ROBO2: variants seen among roughly 807,000 people sequenced by gnomAD.
The protein encoded by ROBO2 is roundabout guidance receptor 2.
A neutral mutation model predicts 160.8 loss-of-function variants in ROBO2; 53 were observed. That is an observed-to-expected ratio of 0.33 (90% CI 0.26 to 0.41). The LOEUF is 0.41. ROBO2 is among the 10% of genes least tolerant of loss of function. ROBO2 has a pLI of 1.00. For missense variants in ROBO2, 1,577 were observed against 1,722.4 expected, an observed-to-expected ratio of 0.92 and a Z score of 1.49; for synonymous variants, 664 against 611.7, an observed-to-expected ratio of 1.09 and a Z score of -1.26.
chr3:76,442,997 TCA>T (rs1350825036), intron 2 of ROBO2, among the ~76,000 whole-genome samples: 1 of 152,076 alleles, frequency 6.6e-6, no homozygotes, highest in African/African-American at 2.4e-5. Context: ...TTTATTTGGT[TCA>T]CAGTTTTGCA....
chr3:76,011,088 C>A (rs1291621475), intron 2 of ROBO2, among the ~76,000 whole-genome samples: 1 of 152,156 alleles, frequency 6.6e-6, no homozygotes, highest in Non-Finnish European at 1.5e-5. Flanking sequence ...GAAGCCTTTT[C>A]TGTTAGCTAT....
At chr3:75,998,754 G>A (rs1042144876) in intron 2 of ROBO2, among the ~76,000 whole-genome samples, 1 of 152,184 alleles carries the variant, frequency 6.6e-6, no homozygotes, top group Admixed American at 6.5e-5. Context: ...GATGATGCAA[G>A]TTTCAAGATG....
chr3:76,548,732 A>G (rs1447557476), intron 2 of ROBO2, among the ~76,000 whole-genome samples: 4 of 151,982 alleles, frequency 2.6e-5, no homozygotes, highest in African/African-American at 9.7e-5. Flanking sequence ...CACCATAGCC[A>G]AAATTTTTGT....
chr3:77,316,813 T>C (rs1229246850), intron 2 of ROBO2: 2 of 1,308,682 alleles, frequency 1.5e-6, no homozygotes, highest in Non-Finnish European at 2.2e-6. Context: ...GTTCTTGCCA[T>C]CCAGGAGAGC....
rs148911655 is a variant in ROBO2 at position 77,460,397 on chromosome 3, G to A, written c.389-17017G>A. Among the ~76,000 whole-genome samples, 579 of 152,190 alleles carry A rather than the reference G, an allele frequency of 3.8e-3. 4 individuals are homozygous for A. Among genetic ancestry groups the A allele is most frequent in the African/African-American group, 0.013 (553 of 41,504 alleles). On this transcript the variant is annotated intron_variant, in intron 2 of 25. Coordinates refer to ENST00000461745, the Ensembl canonical transcript of ROBO2. ...TCAAGACACTGTCAAGCAGGCAGGT[G>A]GACACAAGACTGAAGTTCCAGAGTA...
intron 6 of ROBO2, among the ~76,000 whole-genome samples, chr3:77,539,165 C>T (rs1303394133): frequency 6.6e-6 from 1 of 152,182 alleles, no homozygotes; most frequent in Non-Finnish European, 1.5e-5. Flanking sequence ...GACAATCCAC[C>T]CGCCTCGGCC....
At chr3:76,176,623 A>G (rs552362111) in intron 2 of ROBO2, among the ~76,000 whole-genome samples, 1 of 152,288 alleles carries the variant, frequency 6.6e-6, no homozygotes, top group South Asian at 2.1e-4. Context: ...GGAGGAAGAT[A>G]TTAGGTTCCT....
At chr3:76,821,706 T>G (rs191433143) in intron 2 of ROBO2, among the ~76,000 whole-genome samples, 75 of 152,158 alleles carry the variant, frequency 4.9e-4, no homozygotes, top group African/African-American at 1.6e-3. Context: ...CTCAGTAGTA[T>G]TGCTTGCATG....
chr3:75,948,781 T>C (rs1319192362), intron 2 of ROBO2, among the ~76,000 whole-genome samples: 1 of 152,178 alleles, frequency 6.6e-6, no homozygotes, highest in African/African-American at 2.4e-5. Context: ...ATTTTATATC[T>C]TATAATTTGA....
chr3:76,435,368 GT>G, intron 2 of ROBO2: 2 of 787,092 alleles, frequency 2.5e-6, no homozygotes, highest in South Asian at 2.7e-5. Context: ...TTCTTGAACA[GT>G]TCAAGACCCT....
At chr3:76,118,661 T>A (rs2070582506) in intron 2 of ROBO2, among the ~76,000 whole-genome samples, 1 of 152,166 alleles carries the variant, frequency 6.6e-6, no homozygotes, top group Non-Finnish European at 1.5e-5. Context: ...GAATATTCCA[T>A]TTATTCATTT....
At chr3:77,132,953 G>A (rs186335867) in intron 2 of ROBO2, among the ~76,000 whole-genome samples, 79 of 152,106 alleles carry the variant, frequency 5.2e-4, no homozygotes, top group Non-Finnish European at 1.0e-3. Context: ...GAGAGGAGAT[G>A]TTTATGGTTG....
rs78780496 is a variant in ROBO2 at position 77,276,221 on chromosome 3, A to C, written c.388+177881A>C. Among the ~76,000 whole-genome samples the C allele has an allele frequency of 5.9e-3, 786 of 132,950 alleles. 5 individuals carry two copies. Among genetic ancestry groups the C allele is most frequent in the African/African-American group, 0.019 (619 of 32,544 alleles). The allele number at this position is 132,950 out of a possible 152,430, so 87.2% of individuals were successfully genotyped here. Reference sequence around the variant, plus strand: ...TAAGTTGTAAAAACAAACAAACAAAAAAAAAAAACAAAAGAAAAAATGTCT... The same window carrying C: ...TAAGTTGTAAAAACAAACAAACAAACAAAAAAAACAAAAGAAAAAATGTCT... On this transcript the variant is annotated intron_variant, in intron 2 of 25. Transcript: ENST00000461745.
At chr3:76,353,172 C>T (rs1288380117) in intron 2 of ROBO2, among the ~76,000 whole-genome samples, 3 of 151,900 alleles carry the variant, frequency 2.0e-5, no homozygotes, top group African/African-American at 4.8e-5. Context: ...CCCTGTTTCA[C>T]GCAGATGACA....
intron 2 of ROBO2, among the ~76,000 whole-genome samples, chr3:76,527,208 A>C (rs2081993319): frequency 6.6e-6 from 1 of 152,126 alleles, no homozygotes; most frequent in African/African-American, 2.4e-5. Flanking sequence ...ATCCTCACAA[A>C]AGCCAGAGTG....
intron 2 of ROBO2, among the ~76,000 whole-genome samples, chr3:77,199,284 T>C (rs992917238): frequency 1.3e-5 from 2 of 152,188 alleles, no homozygotes; most frequent in Non-Finnish European, 1.5e-5. Context: ...ATCTAACAAG[T>C]CTTAAATCAT....
At chr3:76,739,986 C>T (rs544578661) in intron 2 of ROBO2, among the ~76,000 whole-genome samples, 7 of 152,118 alleles carry the variant, frequency 4.6e-5, no homozygotes, top group Non-Finnish European at 1.0e-4. Flanking sequence ...TCTTCCATTT[C>T]AAAACTAAGA....
intron 2 of ROBO2, among the ~76,000 whole-genome samples, chr3:76,654,354 A>T (rs2091394192): frequency 6.6e-6 from 1 of 152,198 alleles, no homozygotes; most frequent in Non-Finnish European, 1.5e-5. Context: ...GAGGTACTTT[A>T]TAAATGATGA....
At chr3:76,803,456 GAAGGAAGA>G (rs2064398884) in intron 2 of ROBO2, among the ~76,000 whole-genome samples, 2 of 137,838 alleles carry the variant, frequency 1.5e-5, no homozygotes, top group Admixed American at 7.3e-5. Context: ...GGGAAGGAAG[GAAGGAAGA>G]AAGGAAGGAA....
Sources: gnomAD v4.1 joint callset for allele counts (sites outside exome capture counted in the v4.1 genomes callset) on GRCh38, gnomAD v4.1.1 for gene constraint, MANE v1.5 for transcripts, NCBI Gene and HGNC (gene_info 2026-07-23, HGNC 2026-07-21) for gene names.